NELL1: variants seen among roughly 807,000 people sequenced by gnomAD.
NELL1 encodes protein kinase C-binding protein NELL1.
NELL1 carries 76 observed loss-of-function variants against 107.4 expected under a neutral mutation model. The ratio of observed to expected loss-of-function variants is 0.71; its 90% CI spans 0.59 to 0.86. The LOEUF is 0.86. Ranked by LOEUF, NELL1 falls within the 40% of genes least tolerant of loss-of-function variation. The pLI, the probability that NELL1 is intolerant of heterozygous loss-of-function variation, is 0.00. For synonymous variants in NELL1, 353 were observed against 341.2 expected (o/e 1.03, Z -0.38); for missense variants, 1,024 against 1,005.5 (o/e 1.02, Z -0.25).
intron 2 of NELL1, among the ~76,000 whole-genome samples, chr11:20,781,855 C>A (rs1393372369): frequency 7.6e-6 from 1 of 131,334 alleles, no homozygotes; most frequent in Non-Finnish European, 1.6e-5. Flanking sequence ...ATGGGGAAAC[C>A]CTGTCTCTAC....
At chr11:20,938,681 A>T (rs1175149928) in intron 10 of NELL1, among the ~76,000 whole-genome samples, 1 of 152,122 alleles carries the variant, frequency 6.6e-6, no homozygotes, top group Non-Finnish European at 1.5e-5. Context: ...GGGAGAAGGC[A>T]CGTTCCAAAC....
chr11:21,342,411 T>TGGGG (rs57914880), intron 14 of NELL1, among the ~76,000 whole-genome samples: 1 of 74,110 alleles, frequency 1.3e-5, no homozygotes, highest in African/African-American at 5.0e-5. Context: ...GAGGCTTAAG[T>TGGGG]GGGGGGGGGG....
intron 15 of NELL1, among the ~76,000 whole-genome samples, chr11:21,452,490 T>A (rs941175031): frequency 6.6e-6 from 1 of 152,134 alleles, no homozygotes; most frequent in Admixed American, 6.5e-5. Flanking sequence ...TTTTTTATTA[T>A]ATTCCCTGAT....
Position 20,973,363 on chromosome 11 carries a change from C to A in NELL1, c.1300+12803C>A, listed in dbSNP as rs1851540157. On this transcript the variant is annotated intron_variant, in intron 12 of 19. Coordinates refer to ENST00000357134, the MANE Select transcript of NELL1 (RefSeq NM_006157.5). ...CCTCAGGTGATCCACCTGCCTCGGC[C>A]TCCCAAAGTGTTGGGATTACAGGCA... Among the ~76,000 whole-genome samples, 4 of 152,302 alleles carry A rather than the reference C, an allele frequency of 2.6e-5. No homozygotes were observed. The South Asian group carries it at 8.3e-4, about 32-fold the overall frequency.
intron 12 of NELL1, among the ~76,000 whole-genome samples, chr11:21,099,234 A>AAACAC (rs1854741439): frequency 4.7e-5 from 3 of 64,000 alleles, no homozygotes; most frequent in Admixed American, 2.8e-4. Flanking sequence ...CACACACACA[A>AAACAC]ACACACACAC....
intron 18 of NELL1, among the ~76,000 whole-genome samples, 158 bp from the exon 19 acceptor site, chr11:21,573,027 A>C (rs1857139156): frequency 6.6e-6 from 1 of 151,890 alleles, no homozygotes; most frequent in Non-Finnish European, 1.5e-5. Context: ...TGAGACCTGT[A>C]GTAGGTCTTC....
intron 12 of NELL1, among the ~76,000 whole-genome samples, chr11:20,979,833 C>T (rs978096315): frequency 3.3e-5 from 5 of 152,130 alleles, no homozygotes; most frequent in African/African-American, 1.2e-4. Context: ...CAGGTTGAGG[C>T]TTCTTGCCTG....
At chr11:21,292,857 A>G (rs142690318) in intron 14 of NELL1, among the ~76,000 whole-genome samples, 3,375 of 152,228 alleles carry the variant, frequency 0.022, 131 homozygotes, top group African/African-American at 0.077. Context: ...AATAAATGCT[A>G]TTGGGAAAAC....
chr11:20,939,181 G>C (rs967270165), intron 10 of NELL1, among the ~76,000 whole-genome samples: 1 of 152,004 alleles, frequency 6.6e-6, no homozygotes, highest in Non-Finnish European at 1.5e-5. Context: ...TTGGGTTTGG[G>C]GAAGGCTAAT....
chr11:21,358,565 A>ATTTTTTTTTTTTTTT (rs75578174), intron 14 of NELL1, among the ~76,000 whole-genome samples: 3 of 97,682 alleles, frequency 3.1e-5, no homozygotes, highest in Non-Finnish European at 6.0e-5. Context: ...TGCCCTGATA[A>ATTTTTTTTTTTTTTT]TTTTTTTTTT....
chr11:20,897,593 T>C (rs1198426323), intron 5 of NELL1, among the ~76,000 whole-genome samples: 1 of 152,080 alleles, frequency 6.6e-6, no homozygotes, highest in Non-Finnish European at 1.5e-5. Context: ...AAAGAGCTTC[T>C]GCACAGCAAA....
intron 2 of NELL1, among the ~76,000 whole-genome samples, chr11:20,772,235 T>C (rs529285843): frequency 2.4e-4 from 37 of 152,268 alleles, no homozygotes; most frequent in African/African-American, 8.7e-4. Flanking sequence ...GTTTAGACTC[T>C]GGGAGGAGGA....
chr11:21,003,313 G>A (rs1420463965), intron 12 of NELL1, among the ~76,000 whole-genome samples: 5 of 152,114 alleles, frequency 3.3e-5, no homozygotes, highest in African/African-American at 9.7e-5. Context: ...ACAGAGTGGG[G>A]AAATAATTGG....
rs537836388 is a variant in NELL1, at chr11:21,178,573, C to T, written c.1427-50759C>T. On this transcript the variant is annotated intron_variant, in intron 13 of 19. Transcript: ENST00000357134. ...CTTGAGCCTAGGAGTTTGAGACCAG[C>T]CCAGGCAATATAGTGAAACCTCATC... 2.7e-3 allele frequency among the ~76,000 whole-genome samples: 405 copies of T among 151,516 alleles called. 4 individuals are homozygous for T. The highest frequency in any genetic ancestry group is 2.8e-3 in the Non-Finnish European group (192 of 67,986).
chr11:20,834,500 G>A (rs577903528), intron 3 of NELL1, among the ~76,000 whole-genome samples: 36 of 152,026 alleles, frequency 2.4e-4, no homozygotes, highest in African/African-American at 8.2e-4. Context: ...ATGTAAAAAA[G>A]CACCCTCCTG....
intron 3 of NELL1, among the ~76,000 whole-genome samples, chr11:20,810,066 G>A (rs1260745874): frequency 6.6e-6 from 1 of 151,446 alleles, no homozygotes; most frequent in African/African-American, 2.4e-5. Flanking sequence ...GTATCTCATT[G>A]TAGTTTTAAT....
intron 4 of NELL1, among the ~76,000 whole-genome samples, chr11:20,855,236 CAAAGAG>C (rs1247959655): frequency 1.3e-5 from 2 of 150,462 alleles, no homozygotes; most frequent in African/African-American, 4.9e-5. Flanking sequence ...GCCTCAATGG[CAAAGAG>C]AGATAGAAGG....
At chr11:21,232,946 C>G (rs1304588229) in intron 14 of NELL1, among the ~76,000 whole-genome samples, 1 of 152,194 alleles carries the variant, frequency 6.6e-6, no homozygotes, top group African/African-American at 2.4e-5. Context: ...AGGCACTGCT[C>G]TCAGCAGAAC....
chr11:21,067,797 C>A (rs924282923), intron 12 of NELL1, among the ~76,000 whole-genome samples: 10 of 151,914 alleles, frequency 6.6e-5, no homozygotes, highest in African/African-American at 1.5e-4. Flanking sequence ...CTTTGGGAGG[C>A]CAAGGTGGAT....
Sources: gnomAD v4.1 joint callset for allele counts (sites outside exome capture counted in the v4.1 genomes callset) on GRCh38, gnomAD v4.1.1 for gene constraint, MANE v1.5 for transcripts, NCBI Gene and HGNC (gene_info 2026-07-23, HGNC 2026-07-21) for gene names.